ZDHHC2: variants seen among roughly 807,000 people sequenced by gnomAD.
ZDHHC2 encodes zDHHC palmitoyltransferase 2, also known as palmitoyltransferase ZDHHC2.
In ZDHHC2, 51 loss-of-function variants were observed where a neutral mutation model predicts 55.6. The observed-to-expected ratio is 0.92, with a 90% CI of 0.73 to 1.16. ZDHHC2 has a LOEUF of 1.16. ZDHHC2 is among the 50% of genes most tolerant of loss of function. ZDHHC2 has a pLI of 0.00. For synonymous variants in ZDHHC2, 199 were observed against 152.9 expected (o/e 1.30, Z -2.22); for missense variants, 491 against 442.4 (o/e 1.11, Z -0.99).
In ZDHHC2 at chr8:17,215,247, C is replaced by A; in HGVS notation, c.961C>A (p.His321Asn). Residue 321 changes from histidine to asparagine, a missense_variant, in exon 11 of 13, where the codon CAT becomes AAT. His to Asn is a moderately conservative substitution (Grantham distance 68, BLOSUM62 1). Coordinates refer to ENST00000262096, the MANE Select transcript of ZDHHC2 (RefSeq NM_016353.5). ...LNSTAKNLENHQFPAKPLRES... is the reference protein window; with the variant it reads ...LNSTAKNLENNQFPAKPLRES... ...TCAATTATTATTCAGTCTCGAAAAC[C>A]ATCAGTTTCCTGCAAAGCCATTGAG... The A allele has an allele frequency of 6.3e-7, 1 of 1,594,542 alleles. No homozygotes were observed. Among genetic ancestry groups the A allele is most frequent in the Non-Finnish European group, 8.5e-7 (1 of 1,170,504 alleles).
chr8:17,215,286 C>G lies in ZDHHC2; in HGVS notation c.1000C>G (p.His334Asp). ...AAAGCCATTGAGAGAGTCCCAGAGC[C>G]ACCTTCTTACTGATTCTCAGTCTTG... ...PAKPLRESQS[H>D]LLTDSQSWTE... is the part of the protein sequence containing the mutation. The change falls in exon 11 of 13, where the codon CAC becomes GAC. Residue 334 changes from histidine (H) to aspartate (D), a missense_variant. His to Asp is a moderately conservative substitution (Grantham distance 81). Coordinates refer to ENST00000262096, the MANE Select transcript of ZDHHC2 (RefSeq NM_016353.5). 1.2e-6 allele frequency: 2 copies of G among 1,602,106 alleles called. No individual in the cohort carries two copies. The highest frequency in any genetic ancestry group is 1.7e-6 in the Non-Finnish European group (2 of 1,174,132).
intron 1 of ZDHHC2, among the ~76,000 whole-genome samples, chr8:17,171,968 C>G (rs1218710590): frequency 6.6e-6 from 1 of 151,888 alleles, no homozygotes; most frequent in Non-Finnish European, 1.5e-5. Context: ...AAGGACTTAA[C>G]TTGTGCAAGC....
intron 4 of ZDHHC2, among the ~76,000 whole-genome samples, chr8:17,196,378 T>A (rs968166076): frequency 1.1e-4 from 17 of 151,938 alleles, no homozygotes; most frequent in African/African-American, 3.6e-4. Flanking sequence ...AGACTTAGTA[T>A]GAAAAATATA....
At chr8:17,156,874 G>A (rs1021632209) in intron 1 of ZDHHC2, 21 bp downstream of exon 1, 11 of 1,483,940 alleles carry the variant, frequency 7.4e-6, no homozygotes, top group East Asian at 3.0e-5. Context: ...CCCCCGCCGC[G>A]GCGCCCCCAG....
chr8:17,180,815 C>G (rs547420658), intron 1 of ZDHHC2, among the ~76,000 whole-genome samples: 10 of 152,288 alleles, frequency 6.6e-5, no homozygotes, highest in African/African-American at 2.2e-4. Context: ...GTAATAATCT[C>G]TTTTCCATTT....
At chr8:17,207,245 G>T (rs73198529) in intron 7 of ZDHHC2, among the ~76,000 whole-genome samples, 5,428 of 152,266 alleles carry the variant, frequency 0.036, 153 homozygotes, top group Non-Finnish European at 0.051. Context: ...TGCTTCGATA[G>T]GTGTCCATAG....
At chr8:17,172,056 G>A (rs943571405) in intron 1 of ZDHHC2, among the ~76,000 whole-genome samples, 6 of 151,850 alleles carry the variant, frequency 4.0e-5, no homozygotes, top group Admixed American at 1.3e-4. Flanking sequence ...CCAGGAATTC[G>A]TCCGATTGAT....
intron 12 of ZDHHC2, among the ~76,000 whole-genome samples, chr8:17,219,814 C>G (rs540431078): frequency 6.6e-6 from 1 of 152,216 alleles, no homozygotes; most frequent in South Asian, 2.1e-4. Flanking sequence ...AGCTGTGCTT[C>G]TATGCACATG....
At chr8:17,179,369 A>G (rs1212020812) in intron 1 of ZDHHC2, among the ~76,000 whole-genome samples, 2 of 152,156 alleles carry the variant, frequency 1.3e-5, no homozygotes, top group Non-Finnish European at 2.9e-5. Flanking sequence ...TGATGGTTCT[A>G]GATTTTAAGA....
intron 1 of ZDHHC2, among the ~76,000 whole-genome samples, chr8:17,167,939 C>T (rs781357762): frequency 6.6e-6 from 1 of 152,132 alleles, no homozygotes; most frequent in Admixed American, 6.5e-5. Flanking sequence ...AGATAATTAA[C>T]CCCCACCCGC....
At chr8:17,191,035 C>G (rs2150915437) in intron 3 of ZDHHC2, among the ~76,000 whole-genome samples, 1 of 131,818 alleles carries the variant, frequency 7.6e-6, no homozygotes, top group African/African-American at 2.8e-5. Flanking sequence ...AATCTTGGCT[C>G]ACTGCAACCT....
At chr8:17,186,033 T>A (rs1805688217) in intron 2 of ZDHHC2, among the ~76,000 whole-genome samples, 1 of 152,216 alleles carries the variant, frequency 6.6e-6, no homozygotes, top group African/African-American at 2.4e-5. Context: ...TGCCTCATTT[T>A]TACAATTTAG....
intron 1 of ZDHHC2, among the ~76,000 whole-genome samples, chr8:17,160,799 C>T (rs140441576): frequency 2.0e-5 from 3 of 152,324 alleles, no homozygotes; most frequent in African/African-American, 7.2e-5. Context: ...GTTCCAACCA[C>T]TCAACTCTGC....
chr8:17,172,841 A>G (rs1804928903), intron 1 of ZDHHC2, among the ~76,000 whole-genome samples: 1 of 152,172 alleles, frequency 6.6e-6, no homozygotes, highest in African/African-American at 2.4e-5. Flanking sequence ...TCTTTCTAGT[A>G]TCACCATTTT....
In ZDHHC2 at chr8:17,215,297, T is replaced by G; in HGVS notation, c.1011T>G (p.Thr337=). ...GAGAGTCCCAGAGCCACCTTCTTAC[T>G]GATTCTCAGTCTTGGACGGAGAGCA... The part of the protein sequence containing the change: ...PLRESQSHLL[T]DSQSWTESSI... Residue 337 remains threonine, a synonymous_variant, in exon 11 of 13, where the codon ACT becomes ACG. Transcript: ENST00000262096. 2 of 1,601,102 alleles carry G rather than the reference T, an allele frequency of 1.2e-6. No individual in the cohort carries two copies. The highest frequency in any genetic ancestry group is 1.7e-6 in the Non-Finnish European group (2 of 1,173,642).
intron 6 of ZDHHC2, among the ~76,000 whole-genome samples, chr8:17,201,302 T>A (rs1393296044): frequency 3.3e-5 from 5 of 152,042 alleles, no homozygotes; most frequent in African/African-American, 7.2e-5. Flanking sequence ...GACTACACTA[T>A]TGATTGAATC....
At chr8:17,196,622 T>C (rs1806326149) in intron 4 of ZDHHC2, among the ~76,000 whole-genome samples, 1 of 151,098 alleles carries the variant, frequency 6.6e-6, no homozygotes, top group South Asian at 2.1e-4. Flanking sequence ...GATTTGCGAC[T>C]CTGTGTGGTG....
intron 1 of ZDHHC2, among the ~76,000 whole-genome samples, chr8:17,173,685 A>T (rs1461439677): frequency 1.3e-5 from 2 of 151,374 alleles, no homozygotes; most frequent in Non-Finnish European, 3.0e-5. Context: ...CTGTCTTAAA[A>T]AAAAAAAGAA....
chr8:17,217,250 C>T lies in ZDHHC2; in HGVS notation c.*34+4C>T, dbSNP rs1247794503. 4 of 1,567,256 alleles carry T rather than the reference C, an allele frequency of 2.6e-6. No homozygotes were observed. Among genetic ancestry groups the T allele is most frequent in the Non-Finnish European group, 3.5e-6 (4 of 1,149,120 alleles). On this transcript the variant is annotated splice_donor_region_variant and intron_variant, in intron 12 of 12. Transcript: ENST00000262096. Reference sequence around the variant, plus strand: ...GATAAATTCATACTTTATAAAAGTACGATAATTTTCCCTTTATTGTTTTAT... The same window carrying T: ...GATAAATTCATACTTTATAAAAGTATGATAATTTTCCCTTTATTGTTTTAT...
Sources: allele counts gnomAD v4.1 joint callset (sites outside exome capture counted in the v4.1 genomes callset), GRCh38; gene constraint gnomAD v4.1.1; transcripts MANE v1.5; gene names NCBI Gene and HGNC (gene_info 2026-07-23, HGNC 2026-07-21).